Variants in ZNF496 observed in about 807,000 individuals in gnomAD.
ZNF496 encodes NSD1 (nuclear receptor binding SET-domain containing 1)-interacting zinc finger protein 1.
Under a neutral mutation model 58.9 loss-of-function variants are expected in ZNF496, and 11 were observed. The ratio of observed to expected loss-of-function variants is 0.19; its 90% CI spans 0.12 to 0.31. ZNF496 has a LOEUF of 0.31. ZNF496 is among the 10% of genes least tolerant of loss of function. The probability of loss-of-function intolerance (pLI) is 1.00; values close to 1 mark genes in which losing one functional copy is unlikely to be tolerated. For synonymous variants in ZNF496, 338 were observed against 318.2 expected (o/e 1.06, Z -0.66); for missense variants, 660 against 783.0 (o/e 0.84, Z 1.88).
intron 6 of ZNF496, among the ~76,000 whole-genome samples, chr1:247,319,245 C>G (rs1349079848): frequency 1.3e-5 from 2 of 152,224 alleles, no homozygotes; most frequent in Non-Finnish European, 2.9e-5. Flanking sequence ...ACCTTGGCCT[C>G]TCAAAGTGCT....
chr1:247,316,934 T>C lies in ZNF496; in HGVS notation c.651+6220A>G, dbSNP rs115083323. On this transcript the variant is annotated intron_variant, in intron 6 of 9. Coordinates refer to ENST00000682384, the MANE Select transcript of ZNF496 (RefSeq NM_032752.3). Reference sequence around the variant, plus strand: ...TTTATTTGTGAGGCACACAAATAAATTGGCAGAGAAAAGTCCAGAAGGAAG... The same window carrying C: ...TTTATTTGTGAGGCACACAAATAAACTGGCAGAGAAAAGTCCAGAAGGAAG... Among the ~76,000 whole-genome samples, 74 of 152,298 alleles carry C rather than the reference T, an allele frequency of 4.9e-4. 1 individual carries two copies. Among genetic ancestry groups the C allele is most frequent in the African/African-American group, 1.6e-3 (66 of 41,554 alleles).
At chr1:247,316,233 G>C (rs1659770695) in intron 6 of ZNF496, among the ~76,000 whole-genome samples, 1 of 150,898 alleles carries the variant, frequency 6.6e-6, no homozygotes, top group Non-Finnish European at 1.5e-5. Flanking sequence ...GTGTGTGTGT[G>C]TGTGAGCGCG....
At chr1:247,327,930 T>G (rs1463777761) in intron 5 of ZNF496, among the ~76,000 whole-genome samples, 1 of 152,200 alleles carries the variant, frequency 6.6e-6, no homozygotes, top group Admixed American at 6.5e-5. Flanking sequence ...TCCCATGATA[T>G]GTACTTAAAG....
At chr1:247,328,341 C>T (rs756627527) in intron 5 of ZNF496, among the ~76,000 whole-genome samples, 2 of 152,140 alleles carry the variant, frequency 1.3e-5, no homozygotes, top group Non-Finnish European at 2.9e-5. Context: ...ATGCAGCAGG[C>T]CCCAGCTGTA....
At chr1:247,303,965 G>A in intron 9 of ZNF496, 1 of 295,526 alleles carries the variant, frequency 3.4e-6, no homozygotes, top group Non-Finnish European at 6.8e-6. Context: ...GTCTATGGAG[G>A]ACACCCTCGT....
chr1:247,321,410 T>C (rs908635067), intron 6 of ZNF496, among the ~76,000 whole-genome samples: 3 of 152,074 alleles, frequency 2.0e-5, no homozygotes, highest in African/African-American at 7.2e-5. Flanking sequence ...GAATTTCAGT[T>C]TGGGAAGATG....
At chr1:247,325,484 A>G (rs911642272) in intron 5 of ZNF496, among the ~76,000 whole-genome samples, 11 of 152,228 alleles carry the variant, frequency 7.2e-5, no homozygotes, top group Admixed American at 5.2e-4. Flanking sequence ...GCTAATTAAC[A>G]AATCTATACC....
At chr1:247,324,387 C>T (rs1660057445) in intron 5 of ZNF496, among the ~76,000 whole-genome samples, 1 of 152,150 alleles carries the variant, frequency 6.6e-6, no homozygotes, top group African/African-American at 2.4e-5. Flanking sequence ...ACTCAGGAGT[C>T]CTATTGCACA....
Position 247,329,132 on chromosome 1 carries a change from G to A in ZNF496, c.390+57C>T. 2 of 1,610,892 alleles carry A rather than the reference G, an allele frequency of 1.2e-6. No homozygotes were observed. Among genetic ancestry groups the A allele is most frequent in the East Asian group, 4.5e-5 (2 of 44,862 alleles). On this transcript the variant is annotated intron_variant, in intron 4 of 9. Coordinates refer to ENST00000682384, the MANE Select transcript of ZNF496 (RefSeq NM_032752.3). The surrounding 1 kb of genome is among the most constrained non-coding windows in gnomAD (Gnocchi z 5.5). ...CCCCAGCCAGCACATGCATGGCCCA[G>A]CCAAAGTGTCTAAGTACCAGATCTC...
intron 9 of ZNF496, chr1:247,307,451 G>A: frequency 1.0e-6 from 1 of 985,422 alleles, no homozygotes; most frequent in Non-Finnish European, 1.2e-6. Context: ...GCTATGGGCA[G>A]AAAGAAGCTA....
In ZNF496 at chr1:247,300,528, G is replaced by A. The variant is rs1268729611; in HGVS notation, c.1755C>T (p.Asn585=). The change falls in exon 10 of 10, where the codon AAC becomes AAT. Residue 585 remains asparagine (N), a synonymous_variant. Coordinates refer to ENST00000682384, the MANE Select transcript of ZNF496 (RefSeq NM_032752.3). The surrounding 1 kb of genome is among the most constrained non-coding windows in gnomAD (Gnocchi z 5.7). Reference sequence around the variant, plus strand: ...CCCCAGGCGGAGAGGCTCAGTAGGAGTTCAGAGCCTGCTTGGAACGGCGCT... The same window carrying A: ...CCCCAGGCGGAGAGGCTCAGTAGGAATTCAGAGCCTGCTTGGAACGGCGCT... ...HMKRRSKQAL[N]SY is the part of the protein sequence containing the mutation. 1.2e-6 allele frequency: 2 copies of A among 1,606,950 alleles called. No homozygotes were observed. Among genetic ancestry groups the A allele is most frequent in the Non-Finnish European group, 1.7e-6 (2 of 1,175,014 alleles).
At chr1:247,317,053 G>C (rs1659804166) in intron 6 of ZNF496, among the ~76,000 whole-genome samples, 1 of 152,024 alleles carries the variant, frequency 6.6e-6, no homozygotes, top group South Asian at 2.1e-4. Flanking sequence ...AGAAGGGATG[G>C]GCAAGATAGA....
chr1:247,304,148 T>C (rs544240400), intron 9 of ZNF496: 3 of 321,568 alleles, frequency 9.3e-6, no homozygotes, highest in East Asian at 2.0e-4. Flanking sequence ...GCTATGAATA[T>C]GTACTATCCT....
In ZNF496 at chr1:247,331,641, G is replaced by C. The variant is rs1660332133; in HGVS notation, c.-363C>G. 6.6e-6 allele frequency: 1 copy of C among 152,188 alleles called. No individual in the cohort carries two copies. Among genetic ancestry groups the C allele is most frequent in the South Asian group, 2.1e-4 (1 of 4,828 alleles). The allele number at this position is 152,188 out of a possible 1,614,324, so 9.4% of individuals were successfully genotyped here. ...CCACGGCTCGGCTCGGGGGCAAATG[G>C]AGGCGCCTGAAAAACAATGGTGTTG... On this transcript the variant is annotated 5_prime_UTR_variant, in exon 2 of 10. Transcript: ENST00000682384.
chr1:247,318,979 ATTTC>A (rs1227053469), intron 6 of ZNF496, among the ~76,000 whole-genome samples: 1 of 147,782 alleles, frequency 6.8e-6, no homozygotes, highest in Non-Finnish European at 1.5e-5. Context: ...GGTATATTAT[ATTTC>A]TTTCTTTTTC....
chr1:247,300,810 G>A lies in ZNF496; in HGVS notation c.1473C>T (p.Leu491=), dbSNP rs776667332. 6 of 1,604,798 alleles carry A rather than the reference G, an allele frequency of 3.7e-6. No homozygotes were observed. Among genetic ancestry groups the A allele is most frequent in the South Asian group, 3.3e-5 (3 of 90,146 alleles). Residue 491 remains leucine (L), a synonymous_variant, in exon 10 of 10, where the codon CTC becomes CTT. Coordinates refer to ENST00000682384, the MANE Select transcript of ZNF496 (RefSeq NM_032752.3). This position sits in a 1 kb window ranked among gnomAD's most constrained non-coding sequence, Gnocchi z 5.7. ...HRRIHLQPDR[L]QPVEKREQAA... ...CCTGCTCTCTCTTCTCCACCGGCTG[G>A]AGTCTGTCCGGCTGCAGGTGTATCC...
At chr1:247,301,517 A>G (rs911383178) in intron 9 of ZNF496, among the ~76,000 whole-genome samples, 1 of 152,024 alleles carries the variant, frequency 6.6e-6, no homozygotes, top group Admixed American at 6.5e-5. Context: ...CCCTCTTCCC[A>G]GCCATTTTCC....
At position 247,309,520 on chromosome 1, in the gene ZNF496, C is replaced by G; in HGVS notation, c.892+179G>C. Reference sequence around the variant, plus strand: ...TTCCAATGCCTGGCAAAATTAAGATCCTCCATTCTTTCTATGAAAAGTCAG... The same window carrying G: ...TTCCAATGCCTGGCAAAATTAAGATGCTCCATTCTTTCTATGAAAAGTCAG... On this transcript the variant is annotated intron_variant, in intron 8 of 9. Transcript: ENST00000682384. The surrounding 1 kb of genome is among the most constrained non-coding windows in gnomAD (Gnocchi z 4.3). 1 of 1,417,810 alleles carries G rather than the reference C, an allele frequency of 7.1e-7. No individual in the cohort carries two copies. The allele number at this position is 1,417,810 out of a possible 1,614,324, so 87.8% of individuals were successfully genotyped here.
At position 247,300,882 on chromosome 1, in the gene ZNF496, G is replaced by A. The variant is rs1558434875; in HGVS notation, c.1401C>T (p.Ala467=). Residue 467 remains alanine, a synonymous_variant, in exon 10 of 10, where the codon GCC becomes GCT. Coordinates refer to ENST00000682384, the MANE Select transcript of ZNF496 (RefSeq NM_032752.3). The surrounding 1 kb of genome is among the most constrained non-coding windows in gnomAD (Gnocchi z 5.7). ...AGTTCAGGCGGAAGCTCTTCCCGCA[G>A]GCACCACACCGGTAAGGCTTCTGGG... ...HEAQKPYRCG[A]CGKSFRLNSH... 5 of 1,612,000 alleles carry A rather than the reference G, an allele frequency of 3.1e-6. No individual in the cohort carries two copies. The East Asian group carries it at 6.7e-5, about 22-fold the overall frequency.
Sources: allele counts gnomAD v4.1 joint callset (sites outside exome capture counted in the v4.1 genomes callset), GRCh38; gene constraint gnomAD v4.1.1; non-coding constraint Gnocchi (gnomAD v3.1); transcripts MANE v1.5; gene names NCBI Gene and HGNC (gene_info 2026-07-23, HGNC 2026-07-21).